ARHGAP6: variants seen among roughly 807,000 people sequenced by gnomAD.
ARHGAP6 encodes the protein rho GTPase-activating protein 6.
ARHGAP6 carries 16 observed loss-of-function variants against 55.7 expected under a neutral mutation model. The ratio of observed to expected loss-of-function variants is 0.29; its 90% CI spans 0.19 to 0.44. The LOEUF is 0.44. Ranked by LOEUF, ARHGAP6 falls within the 20% of genes least tolerant of loss-of-function variation. The pLI is 1.00. For synonymous variants in ARHGAP6, 382 were observed against 360.9 expected (o/e 1.06, Z -0.66); for missense variants, 698 against 808.9 (o/e 0.86, Z 1.66).
At chrX:11,504,019 G>C (rs12008462) in intron 1 of ARHGAP6, among the ~76,000 whole-genome samples, 9,235 of 111,069 alleles carry the variant, frequency 0.083, 431 homozygotes, top group East Asian at 0.18. Context: ...GGAAAAAAAA[G>C]TGGTCTTGGC....
intron 1 of ARHGAP6, among the ~76,000 whole-genome samples, chrX:11,503,040 C>T (rs746713083): frequency 1.9e-4 from 21 of 110,583 alleles, no homozygotes; most frequent in African/African-American, 5.3e-4. Flanking sequence ...GGATTACAGA[C>T]GTGCGCCACC....
chrX:11,615,080 A>C (rs1251848093), intron 1 of ARHGAP6, among the ~76,000 whole-genome samples: 1 of 110,955 alleles, frequency 9.0e-6, no homozygotes, highest in Non-Finnish European at 1.9e-5. Flanking sequence ...CCTTTGCAAA[A>C]GGGGACCCAC....
At chrX:11,645,414 T>G (rs778406831) in intron 1 of ARHGAP6, among the ~76,000 whole-genome samples, 5 of 111,514 alleles carry the variant, frequency 4.5e-5, no homozygotes, top group Non-Finnish European at 9.4e-5. Context: ...ACTTCATTTC[T>G]AAAAAAGAGA....
At chrX:11,493,668 T>G (rs1401069321) in intron 1 of ARHGAP6, among the ~76,000 whole-genome samples, 2 of 110,270 alleles carry the variant, frequency 1.8e-5, no homozygotes, top group Non-Finnish European at 3.8e-5. Context: ...AGCTGTGGAG[T>G]CCAGATGTAA....
rs1233125661 is a variant in ARHGAP6 at position 11,224,665 on chromosome X, G to C, written c.749-27669C>G. Among the ~76,000 whole-genome samples, 4 of 110,456 alleles carry C rather than the reference G, an allele frequency of 3.6e-5. No individual in the cohort carries two copies. The South Asian group carries it at 1.2e-3, about 32-fold the overall frequency. ...GGCAGGGCATATATGTTGGTGGAGG[G>C]GGGGCGGTTATGATGACTGGCTGTG... On this transcript the variant is annotated intron_variant, in intron 2 of 12. Coordinates refer to ENST00000337414, the MANE Select transcript of ARHGAP6 (RefSeq NM_013427.3).
intron 1 of ARHGAP6, among the ~76,000 whole-genome samples, chrX:11,637,960 T>C (rs927313945): frequency 4.5e-5 from 5 of 111,327 alleles, no homozygotes; most frequent in South Asian, 7.4e-4. Context: ...CAAAACAATA[T>C]GGTCAAAGCT....
At chrX:11,577,810 C>G (rs995627152) in intron 1 of ARHGAP6, among the ~76,000 whole-genome samples, 1 of 111,416 alleles carries the variant, frequency 9.0e-6, no homozygotes, top group Non-Finnish European at 1.9e-5. Context: ...AGGCACTGTA[C>G]AAGTAGCTGG....
At chrX:11,550,594 A>G (rs1459783366) in intron 1 of ARHGAP6, among the ~76,000 whole-genome samples, 1 of 111,937 alleles carries the variant, frequency 8.9e-6, no homozygotes, top group Non-Finnish European at 1.9e-5. Flanking sequence ...GAGCTCTAGT[A>G]GGTAGGTATG....
intron 1 of ARHGAP6, among the ~76,000 whole-genome samples, chrX:11,308,854 G>A (rs1352092770): frequency 8.9e-6 from 1 of 112,382 alleles, no homozygotes; most frequent in Non-Finnish European, 1.9e-5. Context: ...AAAAGGAATG[G>A]TGCAGAAGAA....
intron 1 of ARHGAP6, among the ~76,000 whole-genome samples, chrX:11,359,953 C>T (rs1284779581): frequency 9.0e-6 from 1 of 111,456 alleles, no homozygotes; most frequent in Non-Finnish European, 1.9e-5. Flanking sequence ...AAGACTAAAC[C>T]AGGAAGAAGT....
At chrX:11,346,362 T>C (rs1271959908) in intron 1 of ARHGAP6, among the ~76,000 whole-genome samples, 1 of 111,601 alleles carries the variant, frequency 9.0e-6, no homozygotes, top group Non-Finnish European at 1.9e-5. Flanking sequence ...CTGTATAGCC[T>C]CAAAAGCCTG....
intron 1 of ARHGAP6, among the ~76,000 whole-genome samples, chrX:11,455,443 C>T (rs1403236081): frequency 8.9e-6 from 1 of 112,229 alleles, no homozygotes; most frequent in East Asian, 2.8e-4. Context: ...GATCTTGCCA[C>T]AGTTGTGTAA....
chrX:11,343,338 G>C (rs963265225), intron 1 of ARHGAP6, among the ~76,000 whole-genome samples: 1 of 112,478 alleles, frequency 8.9e-6, no homozygotes, highest in East Asian at 2.8e-4. Context: ...GCTGTTGCTA[G>C]CTCTTGCTGC....
intron 1 of ARHGAP6, among the ~76,000 whole-genome samples, chrX:11,439,952 C>A (rs2050024122): frequency 8.9e-6 from 1 of 112,499 alleles, no homozygotes; most frequent in Non-Finnish European, 1.9e-5. Context: ...TTAGTGTTTC[C>A]TAAGTGTTAT....
chrX:11,408,908 TACAC>T (rs373105469), intron 1 of ARHGAP6, among the ~76,000 whole-genome samples: 55 of 104,846 alleles, frequency 5.2e-4, no homozygotes, highest in Admixed American at 1.2e-3. Flanking sequence ...CACACACACA[TACAC>T]ACACACACAC....
chrX:11,554,682 C>A (rs2051303602), intron 1 of ARHGAP6, among the ~76,000 whole-genome samples: 1 of 112,006 alleles, frequency 8.9e-6, no homozygotes, highest in Admixed American at 9.5e-5. Context: ...AATATATTCT[C>A]TGGTTTTTAC....
chrX:11,156,767 C>T lies in ARHGAP6; in HGVS notation c.1810-141G>A, dbSNP rs1423792252. The T allele has an allele frequency of 2.8e-5, 13 of 458,138 alleles. No individual in the cohort carries two copies. The East Asian group carries it at 3.8e-4, about 13-fold the overall frequency. 37.8% of individuals were successfully genotyped at this position (458,138 alleles called of 1,213,427 possible). Reference sequence around the variant, plus strand: ...AATGATTTGCTGGTTAAAACCAAACCTACGCCAACCCATGCAGCTGCTTTA... The same window carrying T: ...AATGATTTGCTGGTTAAAACCAAACTTACGCCAACCCATGCAGCTGCTTTA... On this transcript the variant is annotated intron_variant, in intron 9 of 12. Coordinates refer to ENST00000337414, the MANE Select transcript of ARHGAP6 (RefSeq NM_013427.3).
chrX:11,231,142 A>C (rs1911451740), intron 2 of ARHGAP6, among the ~76,000 whole-genome samples: 1 of 112,496 alleles, frequency 8.9e-6, no homozygotes, highest in African/African-American at 3.2e-5. Context: ...GTAAAGATAC[A>C]CTTTTCTCAA....
At chrX:11,215,769 G>A (rs2046872938) in intron 2 of ARHGAP6, among the ~76,000 whole-genome samples, 1 of 112,457 alleles carries the variant, frequency 8.9e-6, no homozygotes, top group African/African-American at 3.2e-5. Flanking sequence ...GAAGGTGCAC[G>A]CCCAAGGGGA....
Sources: allele counts gnomAD v4.1 joint callset (sites outside exome capture counted in the v4.1 genomes callset), GRCh38; gene constraint gnomAD v4.1.1; transcripts MANE v1.5; gene names NCBI Gene and HGNC (gene_info 2026-07-23, HGNC 2026-07-21).